OLFM2: variants seen among roughly 807,000 people sequenced by gnomAD.
OLFM2 encodes noelin-2.
In OLFM2, 20 loss-of-function variants were observed where a neutral mutation model predicts 43.9. The observed-to-expected ratio is 0.46, with a 90% CI of 0.32 to 0.66. OLFM2 has a LOEUF of 0.66. Ranked by LOEUF, OLFM2 falls within the 30% of genes least tolerant of loss-of-function variation. The probability of loss-of-function intolerance (pLI) is 0.04; values close to 1 mark genes in which losing one functional copy is unlikely to be tolerated. For missense variants in OLFM2, 416 were observed against 643.6 expected, an observed-to-expected ratio of 0.65 and a Z score of 3.83; for synonymous variants, 268 against 278.6, an observed-to-expected ratio of 0.96 and a Z score of 0.38.
intron 2 of OLFM2, 115 bp downstream of exon 2, chr19:9,860,530 C>A: frequency 8.7e-7 from 1 of 1,144,382 alleles, no homozygotes; most frequent in South Asian, 1.4e-5. Context: ...TCAGCCAGCT[C>A]TGAATAATTT....
rs146282143 is a variant in OLFM2, at chr19:9,854,212, C to T, written c.1339G>A (p.Val447Ile). Residue 447 changes from valine (V) to isoleucine (I), a missense_variant, in exon 6 of 6, where the codon GTC becomes ATC. Physicochemically the swap from Val to Ile is conservative, Grantham distance 29. Transcript: ENST00000264833. This position sits in a 1 kb window ranked among gnomAD's most constrained non-coding sequence, Gnocchi z 9.5. ...QVLYNVTLFH[V>I]ISTSGDP ...CAGGGGTCCCCAGAGGTGCTGATGA[C>T]GTGAAACAGGGTGACATTGTAGAGC... 8 of 1,613,940 alleles carry T rather than the reference C, an allele frequency of 5.0e-6. No homozygotes were observed. Among genetic ancestry groups the T allele is most frequent in the South Asian group, 2.2e-5 (2 of 91,084 alleles).
rs549029152 is a variant in OLFM2 at position 9,854,342 on chromosome 19, G to A, written c.1209C>T (p.Tyr403=). The A allele has an allele frequency of 1.1e-5, 18 of 1,614,090 alleles. No individual in the cohort carries two copies. The highest frequency in any genetic ancestry group is 1.1e-4 in the South Asian group (10 of 91,094). The change falls in exon 6 of 6, where the codon TAC becomes TAT. Residue 403 remains tyrosine, a synonymous_variant. Coordinates refer to ENST00000264833, the MANE Select transcript of OLFM2 (RefSeq NM_058164.4). The surrounding 1 kb of genome is among the most constrained non-coding windows in gnomAD (Gnocchi z 9.5). ...YFAYFTNTSS[Y]EYTDVPFHNQ... ...TGTGGAAGGGCACGTCCGTGTACTCGTAACTGGACGTGTTGGTAAAATAGG... is the reference window on the plus strand; with the variant it reads ...TGTGGAAGGGCACGTCCGTGTACTCATAACTGGACGTGTTGGTAAAATAGG...
intron 1 of OLFM2, among the ~76,000 whole-genome samples, chr19:9,873,623 T>A (rs1191253463): frequency 6.6e-6 from 1 of 151,728 alleles, no homozygotes; most frequent in Non-Finnish European, 1.5e-5. Context: ...CCCTGATACT[T>A]TTTTTATTTT....
chr19:9,883,397 G>A (rs923152144), intron 1 of OLFM2, among the ~76,000 whole-genome samples: 3 of 152,064 alleles, frequency 2.0e-5, no homozygotes, highest in African/African-American at 7.2e-5. Context: ...CTAGAGGCAG[G>A]CACGTCCTCT....
intron 1 of OLFM2, among the ~76,000 whole-genome samples, chr19:9,865,066 C>G (rs1034740237): frequency 1.3e-5 from 2 of 151,982 alleles, no homozygotes; most frequent in African/African-American, 4.8e-5. Context: ...CCTAAGACAA[C>G]AAGGATGGCC....
chr19:9,904,796 G>C (rs1352225788), intron 1 of OLFM2, among the ~76,000 whole-genome samples: 1 of 152,034 alleles, frequency 6.6e-6, no homozygotes, highest in Non-Finnish European at 1.5e-5. Context: ...AAGGTGGGAG[G>C]ATCACTTGAG....
intron 1 of OLFM2, among the ~76,000 whole-genome samples, chr19:9,895,360 G>A (rs1318756163): frequency 6.6e-6 from 1 of 151,962 alleles, no homozygotes; most frequent in Non-Finnish European, 1.5e-5. Context: ...GCGGGGTGTG[G>A]TGGCACACGC....
chr19:9,885,364 C>A (rs2046577203), intron 1 of OLFM2, among the ~76,000 whole-genome samples: 1 of 152,186 alleles, frequency 6.6e-6, no homozygotes, highest in African/African-American at 2.4e-5. Context: ...GAGCTGAGAA[C>A]ATGGTCTGGT....
chr19:9,919,232 T>C lies in OLFM2; in HGVS notation c.63+17072A>G, dbSNP rs1599500576. The stretch of plus-strand genomic sequence containing the variant: ...CCCAGGCTGGAGTGCAATGGGATGA[T>C]CTCGGCTCACTGCAAGTTCCGCTTC... On this transcript the variant is annotated intron_variant, in intron 1 of 5. Transcript: ENST00000264833. 4.6e-5 allele frequency among the ~76,000 whole-genome samples: 7 copies of C among 151,182 alleles called. No homozygotes were observed. The South Asian group carries it at 1.5e-3, about 31-fold the overall frequency.
intron 1 of OLFM2, among the ~76,000 whole-genome samples, chr19:9,885,026 G>C (rs1455113504): frequency 1.3e-5 from 2 of 152,158 alleles, no homozygotes; most frequent in African/African-American, 4.8e-5. Flanking sequence ...GTTTTGAAGC[G>C]GTCATGGAGT....
chr19:9,863,958 G>A (rs1002315486), intron 1 of OLFM2, among the ~76,000 whole-genome samples: 1 of 152,250 alleles, frequency 6.6e-6, no homozygotes, highest in Admixed American at 6.5e-5. Context: ...CCCTGGCAGC[G>A]GAGCACAGTA....
chr19:9,901,176 AAAAGAAAG>A (rs1360539771), intron 1 of OLFM2, among the ~76,000 whole-genome samples: 1 of 150,142 alleles, frequency 6.7e-6, no homozygotes, highest in Non-Finnish European at 1.5e-5. Context: ...GGAAGGAAGG[AAAAGAAAG>A]AAGGAAAGAA....
chr19:9,900,383 A>C (rs1330502098), intron 1 of OLFM2, among the ~76,000 whole-genome samples: 1 of 152,142 alleles, frequency 6.6e-6, no homozygotes, highest in East Asian at 1.9e-4. Flanking sequence ...GGACACAAGC[A>C]CACGCAGGAG....
chr19:9,854,148 G>A lies in OLFM2; in HGVS notation c.*38C>T. The A allele has an allele frequency of 1.9e-6, 3 of 1,604,306 alleles. No individual in the cohort carries two copies. The highest frequency in any genetic ancestry group is 2.6e-6 in the Non-Finnish European group (3 of 1,171,832). ...GAATGAAAAGGGCCCCCAGCCCCCA[G>A]AGGCCCCCCAGGCAGCAGCCCGAGC... is the stretch of plus-strand genomic sequence containing the variant. On this transcript the variant is annotated 3_prime_UTR_variant, in exon 6 of 6. Transcript: ENST00000264833. The surrounding 1 kb of genome is among the most constrained non-coding windows in gnomAD (Gnocchi z 9.5).
intron 1 of OLFM2, among the ~76,000 whole-genome samples, chr19:9,885,077 G>A (rs910520818): frequency 6.6e-6 from 1 of 152,160 alleles, no homozygotes; most frequent in African/African-American, 2.4e-5. Context: ...ATGGACCCTG[G>A]AGGCCGACAA....
At chr19:9,914,955 G>A (rs551654445) in intron 1 of OLFM2, among the ~76,000 whole-genome samples, 24 of 152,202 alleles carry the variant, frequency 1.6e-4, no homozygotes, top group African/African-American at 4.8e-4. Context: ...TGGCTGGGGA[G>A]GAGCGCCAAG....
At chr19:9,915,843 T>C (rs2046872434) in intron 1 of OLFM2, among the ~76,000 whole-genome samples, 1 of 152,046 alleles carries the variant, frequency 6.6e-6, no homozygotes, top group Non-Finnish European at 1.5e-5. Context: ...AGCAGAGACC[T>C]GAAGTGAGGA....
Position 9,936,461 on chromosome 19 carries a change from G to T in OLFM2, c.-95C>A. On this transcript the variant is annotated 5_prime_UTR_variant, in exon 1 of 6. Transcript: ENST00000264833. ...AGGCGCGACCCCGCCCGCCCGGCCG[G>T]GGCGACCCTGCGCCGCCGCCTCCCC... 1.1e-6 allele frequency: 1 copy of T among 926,482 alleles called. No individual in the cohort carries two copies. The highest frequency in any genetic ancestry group is 1.3e-6 in the Non-Finnish European group (1 of 772,876). The allele number at this position is 926,482 out of a possible 1,614,324, so 57.4% of individuals were successfully genotyped here.
intron 1 of OLFM2, among the ~76,000 whole-genome samples, chr19:9,874,474 G>T (rs763342441): frequency 6.6e-6 from 1 of 151,182 alleles, no homozygotes; most frequent in Non-Finnish European, 1.5e-5. Context: ...GCCACCACCG[G>T]CTTTTATTTT....
Sources: gnomAD v4.1 joint callset for allele counts (sites outside exome capture counted in the v4.1 genomes callset) on GRCh38, gnomAD v4.1.1 for gene constraint, Gnocchi (gnomAD v3.1) non-coding constraint, MANE v1.5 for transcripts, NCBI Gene and HGNC (gene_info 2026-07-23, HGNC 2026-07-21) for gene names.